GNB5: variants seen among roughly 807,000 people sequenced by gnomAD.
GNB5 encodes G protein subunit beta 5.
Under a neutral mutation model 55.3 loss-of-function variants are expected in GNB5, and 37 were observed. The ratio of observed to expected loss-of-function variants is 0.67; its 90% CI spans 0.51 to 0.88. The LOEUF (loss-of-function observed/expected upper bound fraction) is 0.88. Among genes scored for constraint, GNB5 ranks in the 40% least tolerant of loss-of-function variants. The pLI is 0.00. For missense variants in GNB5, 476 were observed against 515.3 expected, an observed-to-expected ratio of 0.92 and a Z score of 0.74; for synonymous variants, 219 against 198.5, an observed-to-expected ratio of 1.10 and a Z score of -0.87.
In GNB5 at chr15:52,117,102, A is replaced by ATATTTTTTTTTTTTTTTTTTTTTTT; in HGVS notation, c.*5654_*5655insAAAAAAAAAAAAAAAAAAAAAAATA. On this transcript the variant is annotated 3_prime_UTR_variant, in exon 13 of 13. Coordinates refer to ENST00000261837, the MANE Select transcript of GNB5 (RefSeq NM_016194.4). ...CCACGCCCAGCTAATATATATATAT[A>ATATTTTTTTTTTTTTTTTTTTTTTT]TTTTTTTTTAGTACAGACAGGGTTT... 1.1e-5 allele frequency: 1 copy of ATATTTTTTTTTTTTTTTTTTTTTTT among 87,100 alleles called. No homozygotes were observed. Among genetic ancestry groups the ATATTTTTTTTTTTTTTTTTTTTTTT allele is most frequent in the Non-Finnish European group, 2.2e-5 (1 of 46,196 alleles). 5.4% of individuals were successfully genotyped at this position (87,100 alleles called of 1,614,324 possible). A position where few individuals can be genotyped will look rare whatever the true frequency, so the allele number is the denominator to read the frequency against.
intron 3 of GNB5, among the ~76,000 whole-genome samples, chr15:52,173,170 AAATG>A (rs1252797842): frequency 6.6e-6 from 1 of 152,234 alleles, no homozygotes; most frequent in Non-Finnish European, 1.5e-5. Flanking sequence ...AACAAAGAAT[AAATG>A]AATGAAAGTA....
chr15:52,115,551 A>G lies in GNB5; in HGVS notation c.*7206T>C, dbSNP rs1174488386. 1 of 152,248 alleles carries G rather than the reference A, an allele frequency of 6.6e-6. No individual in the cohort carries two copies. The allele number at this position is 152,248 out of a possible 1,614,324, so 9.4% of individuals were successfully genotyped here. A position where few individuals can be genotyped will look rare whatever the true frequency, so the allele number is the denominator to read the frequency against. On this transcript the variant is annotated 3_prime_UTR_variant, in exon 13 of 13. Coordinates refer to ENST00000261837, the MANE Select transcript of GNB5 (RefSeq NM_016194.4). ...ACAGAAACTTTTATTTGTAAATGGT[A>G]AATCCTCTGGCAACGGTGACTATGC...
At chr15:52,176,233 A>G (rs1353595165) in intron 3 of GNB5, among the ~76,000 whole-genome samples, 1 of 152,124 alleles carries the variant, frequency 6.6e-6, no homozygotes, top group Non-Finnish European at 1.5e-5. Context: ...GCTCTCAGCC[A>G]CTTGCTCAAT....
intron 6 of GNB5, among the ~76,000 whole-genome samples, chr15:52,146,001 G>A (rs1445491143): frequency 7.2e-6 from 1 of 138,838 alleles, no homozygotes; most frequent in Non-Finnish European, 1.5e-5. Context: ...CTCTCCCCCA[G>A]GCTGGAGTGC....
At chr15:52,149,956 T>C (rs1328746181) in intron 4 of GNB5, 31 bp from the exon 5 acceptor site, 1 of 1,564,576 alleles carries the variant, frequency 6.4e-7, no homozygotes, top group South Asian at 1.1e-5. Context: ...AGTTTAGGGG[T>C]TGTCAAGTTC....
Position 52,184,541 on chromosome 15 carries a change from T to G in GNB5, c.126+10A>C. On this transcript the variant is annotated intron_variant, in intron 2 of 12. Transcript: ENST00000261837. ...GACAGATAACTGAATTTTTTTTAAG[T>G]GGCACTTACAATTTCTGCACATGTT... The G allele has an allele frequency of 1.2e-6, 2 of 1,612,038 alleles. No homozygotes were observed. Among genetic ancestry groups the G allele is most frequent in the Non-Finnish European group, 1.7e-6 (2 of 1,178,404 alleles).
In GNB5 at chr15:52,184,701, A is replaced by C; in HGVS notation, c.-18-7T>G. On this transcript the variant is annotated splice_polypyrimidine_tract_variant and splice_region_variant and intron_variant, in intron 1 of 12. Transcript: ENST00000261837. The stretch of plus-strand genomic sequence containing the variant: ...TCTTTTACCCAAGATAAAGCTGAAA[A>C]AAAGTGAAAAGAAGGGAGGGGGTGT... 1 of 1,605,254 alleles carries C rather than the reference A, an allele frequency of 6.2e-7. No individual in the cohort carries two copies. Among genetic ancestry groups the C allele is most frequent in the African/African-American group, 1.3e-5 (1 of 74,668 alleles).
At chr15:52,138,796 A>G (rs143213834) in intron 7 of GNB5, 13 of 152,348 alleles carry the variant, frequency 8.5e-5, no homozygotes, top group African/African-American at 3.1e-4. Context: ...GGAAATTTTC[A>G]TACCATACTG....
intron 5 of GNB5, among the ~76,000 whole-genome samples, chr15:52,148,759 G>A (rs892483508): frequency 1.3e-5 from 2 of 152,174 alleles, no homozygotes; most frequent in African/African-American, 4.8e-5. Context: ...TACTATTGTC[G>A]ATAGCAGCCT....
intron 7 of GNB5, chr15:52,140,021 G>T (rs1378272365): frequency 2.7e-6 from 3 of 1,128,410 alleles, no homozygotes; most frequent in Non-Finnish European, 3.4e-6. Flanking sequence ...TGGCCACAGC[G>T]CCCCCTGGTG....
At position 52,115,208 on chromosome 15, in the gene GNB5, G is replaced by A. The variant is rs968178241; in HGVS notation, c.*7549C>T. ...TTTCTCTTAGATTTGCAGTAGCTTT[G>A]GGGTAAATGATAAATCCTCTGGAAC... is the stretch of plus-strand genomic sequence containing the variant. On this transcript the variant is annotated 3_prime_UTR_variant, in exon 13 of 13. Transcript: ENST00000261837. 3.3e-5 allele frequency: 5 copies of A among 152,174 alleles called. No individual in the cohort carries two copies. Among genetic ancestry groups the A allele is most frequent in the African/African-American group, 1.2e-4 (5 of 41,442 alleles). 9.4% of individuals were successfully genotyped at this position (152,174 alleles called of 1,614,324 possible). A position where few individuals can be genotyped will look rare whatever the true frequency, so the allele number is the denominator to read the frequency against.
chr15:52,125,622 C>T (rs1223997852), intron 11 of GNB5: 3 of 188,684 alleles, frequency 1.6e-5, no homozygotes, highest in African/African-American at 7.0e-5. Flanking sequence ...CAGAAAAGTT[C>T]CCTTTGGGGC....
chr15:52,183,936 C>A (rs2034809298), intron 2 of GNB5, among the ~76,000 whole-genome samples: 1 of 152,154 alleles, frequency 6.6e-6, no homozygotes, highest in Admixed American at 6.5e-5. Context: ...GTATTCCATT[C>A]CTAGTCTTTG....
chr15:52,184,461 TA>T, intron 2 of GNB5, 89 bp downstream of exon 2: 2 of 1,119,064 alleles, frequency 1.8e-6, no homozygotes, highest in Non-Finnish European at 1.3e-6. Context: ...GTGTGTTATA[TA>T]AGCTGATTCT....
intron 7 of GNB5, among the ~76,000 whole-genome samples, chr15:52,136,174 C>G (rs1016444112): frequency 1.7e-5 from 1 of 59,180 alleles, no homozygotes; most frequent in African/African-American, 9.4e-5. Flanking sequence ...ACACACACAC[C>G]CTACCTGCTG....
At chr15:52,126,506 T>G (rs1216394549) in intron 10 of GNB5, among the ~76,000 whole-genome samples, 2 of 152,232 alleles carry the variant, frequency 1.3e-5, no homozygotes, top group Non-Finnish European at 2.9e-5. Flanking sequence ...TTATTGCTTT[T>G]ATTAACATTA....
chr15:52,177,330 T>G (rs114975320), intron 3 of GNB5, among the ~76,000 whole-genome samples: 8,322 of 151,160 alleles, frequency 0.055, 289 homozygotes, highest in African/African-American at 0.091. Flanking sequence ...ACCCTGTCGG[T>G]CCGAGACCCT....
At chr15:52,190,475 C>T (rs2034905846) in intron 1 of GNB5, among the ~76,000 whole-genome samples, 1 of 152,078 alleles carries the variant, frequency 6.6e-6, no homozygotes, top group South Asian at 2.1e-4. Flanking sequence ...AATGAGGATA[C>T]TTATATGGTC....
At chr15:52,163,691 T>C (rs1373835840) in intron 3 of GNB5, among the ~76,000 whole-genome samples, 1 of 150,644 alleles carries the variant, frequency 6.6e-6, no homozygotes, top group Non-Finnish European at 1.5e-5. Flanking sequence ...ATGAGGGAGG[T>C]TTCCCCCAGC....
Sources: allele counts gnomAD v4.1 joint callset (sites outside exome capture counted in the v4.1 genomes callset), GRCh38; gene constraint gnomAD v4.1.1; transcripts MANE v1.5; gene names NCBI Gene and HGNC (gene_info 2026-07-23, HGNC 2026-07-21).